Variants in EML6 observed in about 807,000 individuals in gnomAD.
EML6 encodes the protein EMAP like 6, also known as echinoderm microtubule-associated protein-like 6.
EML6 carries 154 observed loss-of-function variants against 240.1 expected under a neutral mutation model. The ratio of observed to expected loss-of-function variants is 0.64; its 90% CI spans 0.56 to 0.73. EML6 has a LOEUF of 0.73. Ranked by LOEUF, EML6 falls within the 30% of genes least tolerant of loss-of-function variation. EML6 has a pLI of 0.00. For synonymous variants in EML6, 1,148 were observed against 899.0 expected (o/e 1.28, Z -4.95); for missense variants, 2,964 against 2,474.6 (o/e 1.20, Z -4.20).
At chr2:54,886,649 G>A (rs796167197) in intron 17 of EML6, among the ~76,000 whole-genome samples, 10 of 152,330 alleles carry the variant, frequency 6.6e-5, no homozygotes, top group African/African-American at 2.4e-4. Flanking sequence ...CACCTCATCA[G>A]TGTGAAGTGG....
chr2:54,761,278 A>G lies in EML6; in HGVS notation c.197+36020A>G, dbSNP rs921736618. 2.0e-5 allele frequency among the ~76,000 whole-genome samples: 3 copies of G among 152,294 alleles called. No homozygotes were observed. In the East Asian group the frequency reaches 5.8e-4, roughly 29 times the overall value. ...TTTGCAGTTTTGTGAACCAAAAAATATGATAATAAACAATACGCTTTGTTT... is the reference window on the plus strand; with the variant it reads ...TTTGCAGTTTTGTGAACCAAAAAATGTGATAATAAACAATACGCTTTGTTT... On this transcript the variant is annotated intron_variant, in intron 2 of 41. Coordinates refer to ENST00000356458, the MANE Select transcript of EML6 (RefSeq NM_001039753.4).
chr2:54,963,622 C>G (rs925300595), intron 36 of EML6, among the ~76,000 whole-genome samples: 11 of 152,218 alleles, frequency 7.2e-5, no homozygotes, highest in African/African-American at 2.7e-4. Flanking sequence ...GGCCTGTGGC[C>G]TGTTTCTACA....
intron 2 of EML6, among the ~76,000 whole-genome samples, chr2:54,744,116 C>T (rs1196168180): frequency 7.1e-6 from 1 of 140,182 alleles, no homozygotes; most frequent in Non-Finnish European, 1.5e-5. Context: ...GGTAGTTGGG[C>T]CAGAGGAGAG....
intron 2 of EML6, among the ~76,000 whole-genome samples, chr2:54,780,983 T>C (rs1456162916): frequency 2.0e-5 from 3 of 152,228 alleles, no homozygotes; most frequent in East Asian, 1.9e-4. Context: ...CCTTTATTTG[T>C]ATGTAAAAAC....
intron 26 of EML6, among the ~76,000 whole-genome samples, chr2:54,921,316 T>C (rs951466441): frequency 6.6e-6 from 1 of 152,110 alleles, no homozygotes; most frequent in African/African-American, 2.4e-5. Flanking sequence ...TTAGACTATC[T>C]ACAAAAACTG....
chr2:54,744,960 A>ACACACACACC (rs1230491754), intron 2 of EML6, among the ~76,000 whole-genome samples: 3 of 88,334 alleles, frequency 3.4e-5, no homozygotes, highest in Non-Finnish European at 5.1e-5. Flanking sequence ...ACACACACAC[A>ACACACACACC]CACCCTGCCA....
At chr2:54,786,166 G>A (rs1305272777) in intron 2 of EML6, among the ~76,000 whole-genome samples, 1 of 151,952 alleles carries the variant, frequency 6.6e-6, no homozygotes, top group Non-Finnish European at 1.5e-5. Flanking sequence ...AGGAGGAGAT[G>A]GCTGGGCCCT....
chr2:54,961,556 T>C (rs571604576), intron 35 of EML6, among the ~76,000 whole-genome samples: 14 of 151,990 alleles, frequency 9.2e-5, no homozygotes, highest in Middle Eastern at 3.4e-3. Flanking sequence ...AACAGGAGAA[T>C]TGGCTGCTTT....
At chr2:54,873,405 G>A (rs941123575) in intron 16 of EML6, among the ~76,000 whole-genome samples, 2 of 152,178 alleles carry the variant, frequency 1.3e-5, no homozygotes, top group Non-Finnish European at 2.9e-5. Flanking sequence ...CATACCACCT[G>A]CCAGCTGAAT....
intron 7 of EML6, among the ~76,000 whole-genome samples, chr2:54,837,712 C>G (rs1669229169): frequency 1.3e-5 from 2 of 152,318 alleles, no homozygotes; most frequent in South Asian, 4.1e-4. Context: ...CAAGAACACA[C>G]TAGGTGGAGA....
At chr2:54,748,838 C>G (rs1415358486) in intron 2 of EML6, among the ~76,000 whole-genome samples, 1 of 152,186 alleles carries the variant, frequency 6.6e-6, no homozygotes, top group Non-Finnish European at 1.5e-5. Flanking sequence ...GCTGGGATTA[C>G]AGGTCTGCGC....
At chr2:54,787,488 C>T (rs539392924) in intron 2 of EML6, among the ~76,000 whole-genome samples, 68 of 152,238 alleles carry the variant, frequency 4.5e-4, no homozygotes, top group African/African-American at 1.5e-3. Context: ...CTCCGTGAGC[C>T]GCAGTATGTT....
intron 28 of EML6, among the ~76,000 whole-genome samples, chr2:54,935,812 G>T (rs1356228126): frequency 1.3e-5 from 2 of 152,190 alleles, no homozygotes; most frequent in Admixed American, 6.5e-5. Flanking sequence ...GGAGGTTGAG[G>T]CTGGCAGGAG....
chr2:54,822,676 C>CT lies in EML6; in HGVS notation c.525+2222dup, dbSNP rs146247163. Among the ~76,000 whole-genome samples the CT allele has an allele frequency of 5.5e-3, 836 of 151,944 alleles. 21 individuals are homozygous for CT. In the East Asian group the frequency reaches 0.073, roughly 13 times the overall value. On this transcript the variant is annotated intron_variant, in intron 5 of 41. Transcript: ENST00000356458. ...GGTTATGGTGGGATTAGATTTGTGG[C>CT]TTTTTTTTCTTTAAAAACATTTTTA...
At chr2:54,767,310 T>A (rs932660923) in intron 2 of EML6, among the ~76,000 whole-genome samples, 14 of 152,202 alleles carry the variant, frequency 9.2e-5, no homozygotes, top group African/African-American at 2.4e-4. Flanking sequence ...TAGATTCTAA[T>A]GCATCAACAT....
chr2:54,959,778 A>G (rs1258690000), intron 34 of EML6, among the ~76,000 whole-genome samples: 1 of 150,370 alleles, frequency 6.7e-6, no homozygotes, highest in Non-Finnish European at 1.5e-5. Flanking sequence ...AAATTAATAA[A>G]TTAAAAGAAA....
At chr2:54,928,115 G>A (rs1490051607) in intron 26 of EML6, among the ~76,000 whole-genome samples, 198 bp from the exon 27 acceptor site, 4 of 152,184 alleles carry the variant, frequency 2.6e-5, no homozygotes, top group African/African-American at 9.7e-5. Flanking sequence ...AATATATTGA[G>A]GACCTATTGT....
At chr2:54,788,810 G>A (rs1017263917) in intron 2 of EML6, among the ~76,000 whole-genome samples, 1 of 152,130 alleles carries the variant, frequency 6.6e-6, no homozygotes, top group Non-Finnish European at 1.5e-5. Flanking sequence ...TATTTCTCCT[G>A]AAGTTTTTAT....
chr2:54,889,800 G>T (rs1461693894), intron 17 of EML6, among the ~76,000 whole-genome samples: 1 of 152,106 alleles, frequency 6.6e-6, no homozygotes, highest in South Asian at 2.1e-4. Flanking sequence ...TGTTCAATAC[G>T]ATGTTAAATG....
Sources: allele counts gnomAD v4.1 joint callset (sites outside exome capture counted in the v4.1 genomes callset), GRCh38; gene constraint gnomAD v4.1.1; transcripts MANE v1.5; gene names NCBI Gene and HGNC (gene_info 2026-07-23, HGNC 2026-07-21).